Variants in NRG3 observed in about 807,000 individuals in gnomAD.
The protein encoded by NRG3 is pro-neuregulin-3, membrane-bound isoform.
Under a neutral mutation model 66.9 loss-of-function variants are expected in NRG3, and 31 were observed. That is an observed-to-expected ratio of 0.46 (90% CI 0.35 to 0.63). NRG3 has a LOEUF of 0.63. Ranked by LOEUF, NRG3 falls within the 20% of genes least tolerant of loss-of-function variation. The probability of loss-of-function intolerance (pLI) is 0.00; values close to 1 mark genes in which losing one functional copy is unlikely to be tolerated. For synonymous variants in NRG3, 393 were observed against 359.4 expected, an observed-to-expected ratio of 1.09 and a Z score of -1.06; for missense variants, 910 against 878.9, an observed-to-expected ratio of 1.04 and a Z score of -0.45.
At chr10:82,191,955 C>T (rs1303517293) in intron 1 of NRG3, among the ~76,000 whole-genome samples, 2 of 152,220 alleles carry the variant, frequency 1.3e-5, no homozygotes, top group Non-Finnish European at 2.9e-5. Context: ...AATACATGAA[C>T]ACTTTCCTTT....
chr10:82,549,339 T>A (rs902031920), intron 2 of NRG3, among the ~76,000 whole-genome samples: 1 of 152,230 alleles, frequency 6.6e-6, no homozygotes, highest in East Asian at 1.9e-4. Flanking sequence ...TACATTAAAT[T>A]CTTGTTGCCC....
At chr10:82,284,460 C>T (rs1191112160) in intron 1 of NRG3, among the ~76,000 whole-genome samples, 4 of 152,170 alleles carry the variant, frequency 2.6e-5, no homozygotes, top group African/African-American at 9.7e-5. Context: ...GACTATCTGT[C>T]TATTTTTCCT....
At chr10:82,175,816 G>A (rs866730824) in intron 1 of NRG3, among the ~76,000 whole-genome samples, 7 of 152,098 alleles carry the variant, frequency 4.6e-5, no homozygotes, top group African/African-American at 1.7e-4. Flanking sequence ...ACATACTTTG[G>A]TAGACGGATA....
intron 2 of NRG3, among the ~76,000 whole-genome samples, chr10:82,528,605 G>T (rs933880179): frequency 2.6e-5 from 4 of 152,122 alleles, no homozygotes; most frequent in African/African-American, 7.2e-5. Flanking sequence ...GTCTTTCTCT[G>T]CTGTCTCGGA....
At chr10:82,234,262 T>G (rs2076646315) in intron 1 of NRG3, among the ~76,000 whole-genome samples, 1 of 152,206 alleles carries the variant, frequency 6.6e-6, no homozygotes, top group Non-Finnish European at 1.5e-5. Flanking sequence ...TTCTGGAACG[T>G]GTTCCTGGTC....
intron 1 of NRG3, among the ~76,000 whole-genome samples, chr10:82,041,547 G>C (rs4140402): frequency 0.89 from 134,854 of 151,968 alleles, 60,978 homozygotes; most frequent in South Asian, 0.99. Context: ...TGAAGACTTT[G>C]TCTCATTTGT....
chr10:82,565,839 A>T (rs2045368161), intron 2 of NRG3, among the ~76,000 whole-genome samples: 1 of 152,112 alleles, frequency 6.6e-6, no homozygotes, highest in Non-Finnish European at 1.5e-5. Context: ...GTCACTACAG[A>T]ATCAGGGCAA....
rs183580115 is a variant in NRG3 at position 82,820,510 on chromosome 10, G to A, written c.1028-44901G>A. Among the ~76,000 whole-genome samples, 177 of 152,098 alleles carry A rather than the reference G, an allele frequency of 1.2e-3. 2 individuals carry two copies. The East Asian group carries it at 0.024, about 21-fold the overall frequency. ...TCTGCTCCCTACATAGTCTGGGCCC[G>A]GAAATGATTATACTCAGAGCATCTC... On this transcript the variant is annotated intron_variant, in intron 3 of 8. Coordinates refer to ENST00000372141, the MANE Select transcript of NRG3 (RefSeq NM_001010848.4).
intron 1 of NRG3, among the ~76,000 whole-genome samples, chr10:82,170,993 T>G (rs1166948112): frequency 6.6e-6 from 1 of 151,852 alleles, no homozygotes; most frequent in Admixed American, 6.6e-5. Context: ...ATCATTTGTC[T>G]TCATGTGAAG....
At chr10:82,600,828 G>C (rs189677122) in intron 2 of NRG3, among the ~76,000 whole-genome samples, 8 of 152,020 alleles carry the variant, frequency 5.3e-5, no homozygotes, top group African/African-American at 1.9e-4. Flanking sequence ...TACGTGTGCA[G>C]GTTTATCACA....
chr10:81,936,803 A>C (rs1327255170), intron 1 of NRG3, among the ~76,000 whole-genome samples: 2 of 152,048 alleles, frequency 1.3e-5, no homozygotes, highest in Admixed American at 1.3e-4. Flanking sequence ...GGTCCAAAAG[A>C]TGAGGGGAGG....
chr10:82,253,919 A>T (rs1414772), intron 1 of NRG3, among the ~76,000 whole-genome samples: 3 of 151,882 alleles, frequency 2.0e-5, no homozygotes, highest in Non-Finnish European at 2.9e-5. Context: ...TTCCAATTCA[A>T]TGTATTTTGC....
intron 2 of NRG3, among the ~76,000 whole-genome samples, chr10:82,612,395 A>C (rs2048368526): frequency 6.6e-6 from 1 of 152,138 alleles, no homozygotes; most frequent in South Asian, 2.1e-4. Context: ...CAAAGTAGAT[A>C]GCAAGATCCA....
Position 82,392,027 on chromosome 10 carries a change from G to A in NRG3, c.953+33159G>A, listed in dbSNP as rs374925274. 1.3e-3 allele frequency among the ~76,000 whole-genome samples: 159 copies of A among 121,136 alleles called. 2 individuals are homozygous for A. In the South Asian group the frequency reaches 0.021, roughly 16 times the overall value. The allele number at this position is 121,136 out of a possible 152,430, so 79.5% of individuals were successfully genotyped here. On this transcript the variant is annotated intron_variant, in intron 2 of 8. Transcript: ENST00000372141. ...AAAAAAAAACAAAAAAAAAACCCACGAAACTAGGAAAAGCATTAGAATTGC... is the reference window on the plus strand; with the variant it reads ...AAAAAAAAACAAAAAAAAAACCCACAAAACTAGGAAAAGCATTAGAATTGC...
At chr10:82,376,181 T>TA (rs1477266609) in intron 2 of NRG3, among the ~76,000 whole-genome samples, 1 of 152,114 alleles carries the variant, frequency 6.6e-6, no homozygotes, top group Non-Finnish European at 1.5e-5. Flanking sequence ...TGGCCTTATC[T>TA]AGCAAGGCTT....
chr10:81,961,612 C>T (rs543385154), intron 1 of NRG3, among the ~76,000 whole-genome samples: 7 of 152,212 alleles, frequency 4.6e-5, no homozygotes, highest in African/African-American at 1.7e-4. Flanking sequence ...TAACACTTTT[C>T]CCATCCTGTG....
chr10:82,180,847 A>C (rs1351949719), intron 1 of NRG3, among the ~76,000 whole-genome samples: 1 of 152,014 alleles, frequency 6.6e-6, no homozygotes, highest in East Asian at 1.9e-4. Flanking sequence ...AGTGTTTAGT[A>C]GAATTTACCA....
intron 1 of NRG3, among the ~76,000 whole-genome samples, chr10:82,032,149 A>T (rs73314679): frequency 0.046 from 7,009 of 151,324 alleles, 544 homozygotes; most frequent in African/African-American, 0.16. Context: ...CTGTTTTGAT[A>T]AAAATGTGTT....
intron 2 of NRG3, among the ~76,000 whole-genome samples, chr10:82,591,205 A>C (rs2046963008): frequency 6.6e-6 from 1 of 152,212 alleles, no homozygotes; most frequent in East Asian, 1.9e-4. Flanking sequence ...TTAATGTCCC[A>C]ACCTATTCAG....
Sources: allele counts gnomAD v4.1 joint callset (sites outside exome capture counted in the v4.1 genomes callset), GRCh38; gene constraint gnomAD v4.1.1; transcripts MANE v1.5; gene names NCBI Gene and HGNC (gene_info 2026-07-23, HGNC 2026-07-21).